QTMAN: variants seen among roughly 807,000 people sequenced by gnomAD.
QTMAN encodes tRNA-queuosine alpha-mannosyltransferase.
At chr2:144,290,551 A>G in the QTMAN span, among the ~76,000 whole-genome samples, 2 of 152,138 alleles carry the variant, frequency 1.3e-5, no homozygotes, top group East Asian at 3.8e-4. Context: ...TTTCCATATC[A>G]ATGCATATAA....
the QTMAN span, among the ~76,000 whole-genome samples, chr2:144,091,594 T>A: frequency 6.6e-6 from 1 of 152,112 alleles, no homozygotes; most frequent in Non-Finnish European, 1.5e-5. Context: ...GAATGCAAAG[T>A]AATAGAACTG....
At chr2:144,103,744 A>G in the QTMAN span, among the ~76,000 whole-genome samples, 1 of 152,200 alleles carries the variant, frequency 6.6e-6, no homozygotes, top group Non-Finnish European at 1.5e-5. Flanking sequence ...CAAAAATACA[A>G]ATTTTGTCAC....
the QTMAN span, among the ~76,000 whole-genome samples, chr2:144,182,632 A>G: frequency 8.5e-6 from 1 of 117,550 alleles, no homozygotes; most frequent in African/African-American, 3.4e-5. Context: ...CAACACAGTG[A>G]GACTCCGTCT....
At chr2:144,035,169 C>T in the QTMAN span, among the ~76,000 whole-genome samples, 3 of 152,200 alleles carry the variant, frequency 2.0e-5, no homozygotes, top group Admixed American at 6.5e-5. Context: ...AAGTGTGTGT[C>T]GTCTCCCCTG....
At chr2:144,068,295 G>A in the QTMAN span, among the ~76,000 whole-genome samples, 1 of 152,022 alleles carries the variant, frequency 6.6e-6, no homozygotes, top group African/African-American at 2.4e-5. Context: ...ATCAAGTGCT[G>A]CAAATCAGCA....
the QTMAN span, among the ~76,000 whole-genome samples, chr2:144,050,209 T>C: frequency 6.6e-6 from 1 of 152,166 alleles, no homozygotes; most frequent in Non-Finnish European, 1.5e-5. Flanking sequence ...TAACTCTATG[T>C]AGACAATAAG....
the QTMAN span, among the ~76,000 whole-genome samples, chr2:144,020,121 G>A: frequency 6.6e-6 from 1 of 152,192 alleles, no homozygotes; most frequent in East Asian, 1.9e-4. Flanking sequence ...TGCAAGTGCT[G>A]GAAAGGGAAG....
chr2:144,317,562 G>A, the QTMAN span: 4 of 152,180 alleles, frequency 2.6e-5, no homozygotes, highest in South Asian at 2.1e-4. Context: ...TAAATATCAC[G>A]ACTAAATGGG....
chr2:144,103,836 TC>T, the QTMAN span, among the ~76,000 whole-genome samples: 1 of 152,154 alleles, frequency 6.6e-6, no homozygotes, highest in Non-Finnish European at 1.5e-5. Flanking sequence ...ACACCTGTAA[TC>T]CCAGCACTTT....
chr2:144,095,764 C>T, the QTMAN span, among the ~76,000 whole-genome samples: 5 of 152,140 alleles, frequency 3.3e-5, no homozygotes, highest in South Asian at 2.1e-4. Context: ...ATCTATTGCT[C>T]GGTTTTATGG....
the QTMAN span, among the ~76,000 whole-genome samples, chr2:144,173,277 T>C: frequency 0.044 from 6,712 of 152,210 alleles, 495 homozygotes; most frequent in African/African-American, 0.15. Context: ...ATCCCTCCCT[T>C]TGAGTGTGGA....
At chr2:144,016,414 G>C in the QTMAN span, among the ~76,000 whole-genome samples, 1 of 152,074 alleles carries the variant, frequency 6.6e-6, no homozygotes, top group Non-Finnish European at 1.5e-5. Context: ...TGATAGTATA[G>C]GACAATAAAA....
chr2:143,947,187 TA>T, the QTMAN span: 2 of 1,303,644 alleles, frequency 1.5e-6, no homozygotes, highest in Non-Finnish European at 2.2e-6. Flanking sequence ...CATTAATGAC[TA>T]AAAGATGAAA....
the QTMAN span, among the ~76,000 whole-genome samples, chr2:144,202,096 G>C: frequency 6.6e-6 from 1 of 152,106 alleles, no homozygotes; most frequent in Non-Finnish European, 1.5e-5. Flanking sequence ...CTGAACAACA[G>C]AATAGTATAA....
chr2:144,246,315 T>C, the QTMAN span, among the ~76,000 whole-genome samples: 4 of 151,986 alleles, frequency 2.6e-5, no homozygotes, highest in Non-Finnish European at 5.9e-5. Context: ...GGCTCACGCC[T>C]GTAATCCCAG....
At chr2:144,051,319 C>A in the QTMAN span, among the ~76,000 whole-genome samples, 1 of 152,118 alleles carries the variant, frequency 6.6e-6, no homozygotes, top group East Asian at 1.9e-4. Context: ...CTACTTGAGG[C>A]CAAGAGTTTG....
the QTMAN span, among the ~76,000 whole-genome samples, chr2:144,232,955 T>C: frequency 1.8e-4 from 28 of 152,196 alleles, no homozygotes; most frequent in Non-Finnish European, 4.0e-4. Context: ...CCTTGCATTT[T>C]TTATTTCAAA....
chr2:144,032,779 G>T, the QTMAN span, among the ~76,000 whole-genome samples: 12 of 152,324 alleles, frequency 7.9e-5, no homozygotes, highest in Non-Finnish European at 1.5e-4. Context: ...TAAGCTCAAA[G>T]AAGGCAGATG....
the QTMAN span, among the ~76,000 whole-genome samples, chr2:144,177,730 A>G: frequency 6.6e-6 from 1 of 152,226 alleles, no homozygotes; most frequent in Non-Finnish European, 1.5e-5. Flanking sequence ...CATATATGTC[A>G]TAGCTTGCTA....
Sources: allele counts gnomAD v4.1 joint callset (sites outside exome capture counted in the v4.1 genomes callset), GRCh38; gene constraint gnomAD v4.1.1; transcripts MANE v1.5; gene names NCBI Gene and HGNC (gene_info 2026-07-23, HGNC 2026-07-21).